Variants in AUTS2 observed in about 807,000 individuals in gnomAD.
The protein encoded by AUTS2 is autism susceptibility gene 2 protein.
AUTS2 carries 17 observed loss-of-function variants against 112.4 expected under a neutral mutation model. That is an observed-to-expected ratio of 0.15 (90% confidence interval 0.10 to 0.23). AUTS2 has a LOEUF of 0.23. Among genes scored for constraint, AUTS2 ranks in the 10% least tolerant of loss-of-function variants. The pLI is 1.00. For missense variants in AUTS2, 1,510 were observed against 1,701.6 expected (o/e 0.89, Z 1.98); for synonymous variants, 751 against 702.7 (o/e 1.07, Z -1.09).
At chr7:69,629,755 C>T (rs1362406629) in intron 1 of AUTS2, among the ~76,000 whole-genome samples, 1 of 151,986 alleles carries the variant, frequency 6.6e-6, no homozygotes, top group African/African-American at 2.4e-5. Context: ...GTGGTGTTCA[C>T]CTTGTATAAT....
chr7:70,713,340 G>C (rs35390538), intron 6 of AUTS2, among the ~76,000 whole-genome samples: 30,949 of 152,230 alleles, frequency 0.2, 4,103 homozygotes, highest in Middle Eastern at 0.31. Context: ...CTTTATCCAG[G>C]ATTGTAGAAC....
chr7:70,767,545 C>G (rs891679657), intron 9 of AUTS2, among the ~76,000 whole-genome samples: 8 of 152,136 alleles, frequency 5.3e-5, no homozygotes, highest in Non-Finnish European at 1.2e-4. Flanking sequence ...TACTCTTTTT[C>G]TGTTCCAATG....
chr7:70,451,570 T>A (rs1796535063), intron 5 of AUTS2, among the ~76,000 whole-genome samples: 1 of 152,198 alleles, frequency 6.6e-6, no homozygotes, highest in Admixed American at 6.5e-5. Context: ...TTGTGCAACC[T>A]ATGTAGTTTT....
intron 4 of AUTS2, among the ~76,000 whole-genome samples, chr7:70,229,903 T>C (rs1438184090): frequency 6.6e-6 from 1 of 152,204 alleles, no homozygotes; most frequent in African/African-American, 2.4e-5. Flanking sequence ...GAATGTCCAA[T>C]TGGTTCTATT....
intron 5 of AUTS2, among the ~76,000 whole-genome samples, chr7:70,493,675 T>C (rs1047363042): frequency 6.6e-6 from 1 of 152,136 alleles, no homozygotes; most frequent in Non-Finnish European, 1.5e-5. Context: ...AGTATCAGCC[T>C]GGATGTGAAT....
chr7:69,938,215 C>T (rs1390795575), intron 2 of AUTS2, among the ~76,000 whole-genome samples: 1 of 152,198 alleles, frequency 6.6e-6, no homozygotes, highest in Non-Finnish European at 1.5e-5. Flanking sequence ...GTTTCATCAG[C>T]TAAGCCCCCT....
At chr7:70,511,517 ATTT>A (rs1388172281) in intron 5 of AUTS2, among the ~76,000 whole-genome samples, 3 of 125,346 alleles carry the variant, frequency 2.4e-5, no homozygotes, top group South Asian at 2.5e-4. Context: ...TCCTGTCATA[ATTT>A]TTTATTTTTA....
intron 5 of AUTS2, among the ~76,000 whole-genome samples, chr7:70,518,677 C>T (rs1172371891): frequency 1.4e-5 from 2 of 145,962 alleles, no homozygotes; most frequent in African/African-American, 2.5e-5. Flanking sequence ...AGTGAGACTC[C>T]GTCTCAAAAA....
chr7:69,913,674 G>C (rs575897801), intron 2 of AUTS2, among the ~76,000 whole-genome samples: 1 of 152,238 alleles, frequency 6.6e-6, no homozygotes, highest in African/African-American at 2.4e-5. Flanking sequence ...TAGCCAGAGT[G>C]ATCTTTTAAA....
chr7:70,300,481 G>A (rs1282365948), intron 4 of AUTS2, among the ~76,000 whole-genome samples: 1 of 152,160 alleles, frequency 6.6e-6, no homozygotes, highest in Non-Finnish European at 1.5e-5. Context: ...GAGCATGAAT[G>A]TAAATATTAA....
chr7:70,054,974 C>T (rs958931574), intron 2 of AUTS2, among the ~76,000 whole-genome samples: 9 of 152,100 alleles, frequency 5.9e-5, no homozygotes, highest in African/African-American at 1.4e-4. Flanking sequence ...CCTGATATAA[C>T]TTACTTCCTT....
In AUTS2 at chr7:70,039,350, TTTG is replaced by T. The variant is rs142049425; in HGVS notation, c.523-78764_523-78762del. The stretch of plus-strand genomic sequence containing the variant: ...TTCTGATCATGGTTCAGTTTGGGTT[TTTG>T]TTGTTGTTGTTGTTGTTTTTTCTCC... On this transcript the variant is annotated intron_variant, in intron 2 of 18. Transcript: ENST00000342771. Among the ~76,000 whole-genome samples, 401 of 151,946 alleles carry T rather than the reference TTTG, an allele frequency of 2.6e-3. 2 individuals carry two copies. The highest frequency in any genetic ancestry group is 8.8e-3 in the African/African-American group (363 of 41,398).
intron 4 of AUTS2, among the ~76,000 whole-genome samples, chr7:70,362,624 C>T (rs1374065029): frequency 3.3e-5 from 5 of 151,904 alleles, no homozygotes; most frequent in Admixed American, 6.6e-5. Context: ...CCGTCCCTCC[C>T]TCCCTCTCTC....
intron 4 of AUTS2, among the ~76,000 whole-genome samples, chr7:70,408,935 C>T (rs1362122628): frequency 2.0e-5 from 3 of 152,194 alleles, no homozygotes; most frequent in Non-Finnish European, 1.5e-5. Flanking sequence ...TATCTACTGT[C>T]TCTAGATGAT....
At chr7:69,646,440 T>C (rs975960422) in intron 1 of AUTS2, among the ~76,000 whole-genome samples, 2 of 152,230 alleles carry the variant, frequency 1.3e-5, no homozygotes, top group Non-Finnish European at 2.9e-5. Flanking sequence ...TAAAGTTTGC[T>C]AAGTATGTCT....
At chr7:69,642,390 A>G (rs1053078546) in intron 1 of AUTS2, among the ~76,000 whole-genome samples, 3 of 152,210 alleles carry the variant, frequency 2.0e-5, no homozygotes, top group East Asian at 3.8e-4. Flanking sequence ...AACATATTCA[A>G]TGAAGCACTG....
chr7:69,709,034 T>G (rs1798186825), intron 1 of AUTS2, among the ~76,000 whole-genome samples: 1 of 152,218 alleles, frequency 6.6e-6, no homozygotes, highest in African/African-American at 2.4e-5. Context: ...GCTTGTGTAC[T>G]AAGTACTTGT....
At chr7:70,359,696 A>C (rs888628413) in intron 4 of AUTS2, among the ~76,000 whole-genome samples, 1 of 152,144 alleles carries the variant, frequency 6.6e-6, no homozygotes, top group African/African-American at 2.4e-5. Flanking sequence ...AGGACCCAAA[A>C]GCCTCCCACT....
At chr7:70,727,082 A>G (rs1375039009) in intron 6 of AUTS2, among the ~76,000 whole-genome samples, 1 of 152,252 alleles carries the variant, frequency 6.6e-6, no homozygotes, top group South Asian at 2.1e-4. Context: ...GCTGGGTATT[A>G]ACATCGGTAA....
Sources: gnomAD v4.1 joint callset for allele counts (sites outside exome capture counted in the v4.1 genomes callset) on GRCh38, gnomAD v4.1.1 for gene constraint, MANE v1.5 for transcripts, NCBI Gene and HGNC (gene_info 2026-07-23, HGNC 2026-07-21) for gene names.